PGAP4: variants seen among roughly 807,000 people sequenced by gnomAD.
The protein encoded by PGAP4 is GPI-N-acetylgalactosamine transferase PGAP4.
PGAP4 carries 12 observed loss-of-function variants against 28.2 expected under a neutral mutation model. The ratio of observed to expected loss-of-function variants is 0.42; its 90% CI spans 0.27 to 0.69. The LOEUF (loss-of-function observed/expected upper bound fraction) is 0.69. Among genes scored for constraint, PGAP4 ranks in the 30% least tolerant of loss-of-function variants. The probability of loss-of-function intolerance (pLI) is 0.22; values close to 1 mark genes in which losing one functional copy is unlikely to be tolerated. For missense variants in PGAP4, 425 were observed against 513.5 expected, an observed-to-expected ratio of 0.83 and a Z score of 1.67; for synonymous variants, 205 against 211.8, an observed-to-expected ratio of 0.97 and a Z score of 0.28.
At chr9:101,523,619 C>CTTTTTTTTTTTTTTTTTTTTTTTTTTT (rs71356369) in intron 2 of PGAP4, among the ~76,000 whole-genome samples, 9 of 59,340 alleles carry the variant, frequency 1.5e-4, no homozygotes, top group Non-Finnish European at 1.8e-4. Context: ...CTTCTTGTAT[C>CTTTTTTTTTTTTTTTTTTTTTTTTTTT]TTTTTTTTTT....
intron 2 of PGAP4, among the ~76,000 whole-genome samples, chr9:101,524,180 A>T (rs1024006826): frequency 6.6e-6 from 1 of 150,476 alleles, no homozygotes; most frequent in African/African-American, 2.5e-5. Context: ...GGTCCTTAGC[A>T]CACTAGATCA....
At chr9:101,531,027 T>C (rs908520294) in intron 2 of PGAP4, among the ~76,000 whole-genome samples, 3 of 152,178 alleles carry the variant, frequency 2.0e-5, no homozygotes, top group Non-Finnish European at 4.4e-5. Context: ...TAACCTCCCC[T>C]GAGCAAGAAT....
At chr9:101,502,790 C>T (rs1168287603) in intron 2 of PGAP4, among the ~76,000 whole-genome samples, 1 of 152,060 alleles carries the variant, frequency 6.6e-6, no homozygotes, top group Non-Finnish European at 1.5e-5. Flanking sequence ...CTGGCTCTGT[C>T]AGAGTCTTCA....
intron 2 of PGAP4, among the ~76,000 whole-genome samples, chr9:101,496,872 C>G (rs1021286568): frequency 1.9e-4 from 29 of 150,400 alleles, no homozygotes; most frequent in Non-Finnish European, 2.5e-4. Flanking sequence ...TATTTTGAAA[C>G]AAATTTAACA....
intron 2 of PGAP4, among the ~76,000 whole-genome samples, chr9:101,520,333 T>C (rs1826978613): frequency 6.6e-6 from 1 of 152,218 alleles, no homozygotes; most frequent in African/African-American, 2.4e-5. Context: ...ATTGATTCTA[T>C]CCACATGAGC....
chr9:101,483,041 T>C (rs1826529308), intron 1 of PGAP4, among the ~76,000 whole-genome samples: 1 of 152,262 alleles, frequency 6.6e-6, no homozygotes, highest in African/African-American at 2.4e-5. Flanking sequence ...TCAAAGCTCA[T>C]GTTTTTCTAT....
chr9:101,515,405 A>C (rs996046590), intron 2 of PGAP4, among the ~76,000 whole-genome samples: 3 of 152,174 alleles, frequency 2.0e-5, no homozygotes, highest in Non-Finnish European at 1.5e-5. Flanking sequence ...TCACGTCGGC[A>C]AAGACCCTTT....
In PGAP4 at chr9:101,476,156, A is replaced by G. The variant is rs775041580; in HGVS notation, c.937T>C (p.Phe313Leu). ...GGACTCAGCCGCCGCAGTTCCAGGA[A>G]ATAGTGCCGACCCACCAGCTCCACC... ...GLVELVGRHY[F>L]LELRRLSPSL... is the part of the protein sequence containing the mutation. Residue 313 changes from phenylalanine to leucine, a missense_variant, in exon 2 of 2, where the codon TTC becomes CTC. Coordinates refer to ENST00000374848, the MANE Select transcript of PGAP4 (RefSeq NM_032342.3). This position sits in a 1 kb window ranked among gnomAD's most constrained non-coding sequence, Gnocchi z 7.0. The G allele has an allele frequency of 2.5e-6, 4 of 1,614,138 alleles. No individual in the cohort carries two copies. The highest frequency in any genetic ancestry group is 2.2e-5 in the East Asian group (1 of 44,870).
At chr9:101,501,471 CT>C (rs902410118) in intron 2 of PGAP4, among the ~76,000 whole-genome samples, 2 of 151,470 alleles carry the variant, frequency 1.3e-5, no homozygotes, top group South Asian at 2.1e-4. Context: ...TGGATAATAA[CT>C]TTTTTTTTCA....
chr9:101,489,836 T>C, upstream of PGAP4, among the ~76,000 whole-genome samples: 1 of 152,296 alleles, frequency 6.6e-6, no homozygotes, highest in Admixed American at 6.5e-5. Context: ...ACTTTGTTCA[T>C]ATAAAAATTG....
chr9:101,527,018 T>C (rs1441554631), intron 2 of PGAP4, among the ~76,000 whole-genome samples: 1 of 152,216 alleles, frequency 6.6e-6, no homozygotes, highest in Non-Finnish European at 1.5e-5. Context: ...GATACTACCA[T>C]CATCCTGCAA....
intron 2 of PGAP4, among the ~76,000 whole-genome samples, chr9:101,524,338 A>T (rs887162967): frequency 1.2e-4 from 19 of 152,064 alleles, no homozygotes; most frequent in African/African-American, 4.1e-4. Flanking sequence ...GTCCTCTGCC[A>T]ACAGCCCCAG....
At chr9:101,529,579 A>C (rs1437168087) in intron 2 of PGAP4, among the ~76,000 whole-genome samples, 1 of 152,256 alleles carries the variant, frequency 6.6e-6, no homozygotes, top group Non-Finnish European at 1.5e-5. Context: ...TAAAAAAGGC[A>C]GACCTGGCTC....
At chr9:101,491,518 A>G (rs1398733569), upstream of PGAP4, among the ~76,000 whole-genome samples, 1 of 152,056 alleles carries the variant, frequency 6.6e-6, no homozygotes, top group East Asian at 1.9e-4. Context: ...GGCCCATTAA[A>G]CAAGCACTAC....
At chr9:101,511,442 G>C (rs1826897605) in intron 2 of PGAP4, among the ~76,000 whole-genome samples, 1 of 152,158 alleles carries the variant, frequency 6.6e-6, no homozygotes, top group African/African-American at 2.4e-5. Context: ...TTTAAACCCA[G>C]ATACTGTTGG....
rs1332129571 is a variant in PGAP4, at chr9:101,482,243, C to T, written c.-78+4706G>A. Among the ~76,000 whole-genome samples, 14 of 152,340 alleles carry T rather than the reference C, an allele frequency of 9.2e-5. No homozygotes were observed. In the East Asian group the frequency reaches 1.9e-3, roughly 21 times the overall value. ...CAGGCGGATCACGAGGTCAGGAGATCGAGACCATCCTGGCAAACATGGTGA... is the reference window on the plus strand; with the variant it reads ...CAGGCGGATCACGAGGTCAGGAGATTGAGACCATCCTGGCAAACATGGTGA... On this transcript the variant is annotated intron_variant, in intron 1 of 1. Coordinates refer to ENST00000374848, the MANE Select transcript of PGAP4 (RefSeq NM_032342.3).
intron 2 of PGAP4, among the ~76,000 whole-genome samples, chr9:101,523,010 A>T (rs1827001195): frequency 6.6e-6 from 1 of 152,102 alleles, no homozygotes; most frequent in African/African-American, 2.4e-5. Flanking sequence ...ACACAAAATT[A>T]TTGGCTGTTA....
rs1826781472 is a variant in PGAP4 at position 101,499,739 on chromosome 9, C to A, written c.-164-10539G>T. 2.0e-5 allele frequency among the ~76,000 whole-genome samples: 3 copies of A among 152,096 alleles called. No individual in the cohort carries two copies. In the South Asian group the frequency reaches 6.2e-4, roughly 31 times the overall value. On this transcript the variant is annotated intron_variant, in intron 2 of 3. Transcript: ENST00000374851. ...AAATGTGAGAACTCTCTCTTCATGG[C>A]CTTCCGTGGCTTTATTTGTTGGAAT... is the stretch of plus-strand genomic sequence containing the variant.
chr9:101,519,098 C>T (rs942178980), intron 2 of PGAP4, among the ~76,000 whole-genome samples: 2 of 152,002 alleles, frequency 1.3e-5, no homozygotes, highest in African/African-American at 4.8e-5. Flanking sequence ...GTTTATTGGC[C>T]ATTTGTATAT....
Sources: gnomAD v4.1 joint callset for allele counts (sites outside exome capture counted in the v4.1 genomes callset) on GRCh38, gnomAD v4.1.1 for gene constraint, Gnocchi (gnomAD v3.1) non-coding constraint, MANE v1.5 for transcripts, NCBI Gene and HGNC (gene_info 2026-07-23, HGNC 2026-07-21) for gene names.